The following GAS7 variants were observed in gnomAD, a reference collection of about 807,000 sequenced individuals.
The protein encoded by GAS7 is growth arrest-specific protein 7.
GAS7 carries 28 observed loss-of-function variants against 71.1 expected under a neutral mutation model. That is an observed-to-expected ratio of 0.39 (90% CI 0.29 to 0.54). The LOEUF is 0.54. Ranked by LOEUF, GAS7 falls within the 20% of genes least tolerant of loss-of-function variation. The probability of loss-of-function intolerance (pLI) is 0.62; values close to 1 mark genes in which losing one functional copy is unlikely to be tolerated. For missense variants in GAS7, 436 were observed against 627.8 expected (o/e 0.69, Z 3.27); for synonymous variants, 258 against 245.8 (o/e 1.05, Z -0.46).
At chr17:10,022,099 T>C (rs2072293019) in intron 1 of GAS7, among the ~76,000 whole-genome samples, 2 of 151,968 alleles carry the variant, frequency 1.3e-5, no homozygotes, top group Non-Finnish European at 2.9e-5. Flanking sequence ...CTGCAAATAA[T>C]TTTTAAAATT....
At chr17:10,110,953 AC>A (rs1490074370) in intron 1 of GAS7, among the ~76,000 whole-genome samples, 1 of 152,242 alleles carries the variant, frequency 6.6e-6, no homozygotes, top group Non-Finnish European at 1.5e-5. Context: ...TATACATGCA[AC>A]CAAATATCAC....
At chr17:10,070,336 CTCT>C (rs1174674868) in intron 1 of GAS7, among the ~76,000 whole-genome samples, 2 of 140,178 alleles carry the variant, frequency 1.4e-5, no homozygotes, top group Non-Finnish European at 3.1e-5. Context: ...TTCGTTCTCT[CTCT>C]TCTTTTTTTT....
chr17:10,177,894 GC>G (rs541533351), intron 1 of GAS7, among the ~76,000 whole-genome samples: 175 of 152,040 alleles, frequency 1.2e-3, no homozygotes, highest in African/African-American at 4.0e-3. Context: ...GAGTAACAAA[GC>G]CCCCCAACTA....
intron 1 of GAS7, among the ~76,000 whole-genome samples, chr17:10,166,629 G>A (rs1024099400): frequency 7.9e-5 from 12 of 152,194 alleles, no homozygotes; most frequent in Admixed American, 6.5e-4. Context: ...ACATTTTGTC[G>A]TTGTTGGTTT....
intron 1 of GAS7, among the ~76,000 whole-genome samples, chr17:10,107,987 C>T (rs2073775840): frequency 6.6e-6 from 1 of 151,494 alleles, no homozygotes; most frequent in Non-Finnish European, 1.5e-5. Flanking sequence ...ACACACAGTC[C>T]CAGTGGGGGA....
intron 1 of GAS7, among the ~76,000 whole-genome samples, chr17:10,071,441 T>A (rs1323949968): frequency 6.6e-6 from 1 of 152,108 alleles, no homozygotes; most frequent in Non-Finnish European, 1.5e-5. Context: ...GTCACCCCCA[T>A]GTCACAGAGA....
intron 1 of GAS7, among the ~76,000 whole-genome samples, chr17:10,088,684 C>T (rs1159229561): frequency 6.6e-6 from 1 of 152,126 alleles, no homozygotes. Context: ...AGCTGCCATG[C>T]TGTCTCTATT....
At chr17:10,019,291 C>G (rs1264680647) in intron 2 of GAS7, among the ~76,000 whole-genome samples, 4 of 152,112 alleles carry the variant, frequency 2.6e-5, no homozygotes, top group Non-Finnish European at 1.5e-5. Flanking sequence ...CAGTGAGATA[C>G]TTAAGGAAAA....
chr17:10,009,656 A>T (rs1484904231), intron 2 of GAS7, among the ~76,000 whole-genome samples: 22 of 146,880 alleles, frequency 1.5e-4, no homozygotes, highest in Non-Finnish European at 3.0e-4. Flanking sequence ...TGGGCAATAT[A>T]GCAAGACCCC....
intron 1 of GAS7, among the ~76,000 whole-genome samples, chr17:10,192,080 A>G (rs141256677): frequency 2.4e-4 from 36 of 152,270 alleles, no homozygotes; most frequent in African/African-American, 7.7e-4. Flanking sequence ...GATCCTCTTA[A>G]GACTCCTCAA....
intron 1 of GAS7, among the ~76,000 whole-genome samples, chr17:10,132,006 T>C (rs147002671): frequency 3.3e-3 from 504 of 152,338 alleles, no homozygotes; most frequent in Non-Finnish European, 4.9e-3. Context: ...AACATGTTAA[T>C]GCATGAAAAC....
chr17:9,970,359 G>A (rs910615776), intron 3 of GAS7, among the ~76,000 whole-genome samples: 2 of 152,214 alleles, frequency 1.3e-5, no homozygotes, highest in East Asian at 1.9e-4. Context: ...GCTTGGAGCT[G>A]GGGCTCATGT....
intron 4 of GAS7, among the ~76,000 whole-genome samples, chr17:9,961,640 T>C (rs1239927846): frequency 6.6e-6 from 1 of 152,216 alleles, no homozygotes; most frequent in East Asian, 1.9e-4. Context: ...AGAGCGACTG[T>C]CTACTGAGTG....
intron 5 of GAS7, among the ~76,000 whole-genome samples, chr17:9,950,729 G>A (rs370020148): frequency 1.3e-5 from 2 of 151,958 alleles, no homozygotes; most frequent in East Asian, 1.9e-4. Flanking sequence ...GGTGGTGGGC[G>A]CCTGTAATCC....
chr17:10,144,583 G>C (rs764789756), intron 1 of GAS7, among the ~76,000 whole-genome samples: 3 of 151,804 alleles, frequency 2.0e-5, no homozygotes, highest in African/African-American at 7.3e-5. Flanking sequence ...ATGCTCTCTC[G>C]TCCAGGCTGG....
chr17:10,098,896 C>A (rs1409332023), intron 1 of GAS7, among the ~76,000 whole-genome samples: 1 of 152,174 alleles, frequency 6.6e-6, no homozygotes, highest in African/African-American at 2.4e-5. Flanking sequence ...GCGGAGCTTG[C>A]AGTGAGCCAA....
rs1245106371 is a variant in GAS7, at chr17:9,915,613, G to A, written c.*1615C>T. 18 of 227,640 alleles carry A rather than the reference G, an allele frequency of 7.9e-5. No homozygotes were observed. The highest frequency in any genetic ancestry group is 8.7e-6 in the Non-Finnish European group (1 of 114,558). 14.1% of individuals were successfully genotyped at this position (227,640 alleles called of 1,614,324 possible). ...TATACGAAAGCAATTCTCATTCAAT[G>A]AAAGAGGCGCCAAAAAATTAGAGAT... is the stretch of plus-strand genomic sequence containing the variant. On this transcript the variant is annotated 3_prime_UTR_variant, in exon 14 of 14. Transcript: ENST00000432992.
At chr17:10,037,389 T>C (rs1041185181) in intron 1 of GAS7, among the ~76,000 whole-genome samples, 14 of 152,182 alleles carry the variant, frequency 9.2e-5, no homozygotes, top group African/African-American at 2.2e-4. Flanking sequence ...ATGCCGCATA[T>C]TTCTGTGTTT....
chr17:9,959,540 G>T lies in GAS7; in HGVS notation c.472-285C>A. 9.1e-7 allele frequency: 1 copy of T among 1,104,192 alleles called. No homozygotes were observed. Among genetic ancestry groups the T allele is most frequent in the Non-Finnish European group, 1.2e-6 (1 of 833,670 alleles). 68.4% of individuals were successfully genotyped at this position (1,104,192 alleles called of 1,614,324 possible). Reference sequence around the variant, plus strand: ...CTCCTCTTCTCTCAGTCTGTGATTTGGGGAGTTAACCCCTCCGCTGCCCTC... The same window carrying T: ...CTCCTCTTCTCTCAGTCTGTGATTTTGGGAGTTAACCCCTCCGCTGCCCTC... On this transcript the variant is annotated intron_variant, in intron 4 of 13. Coordinates refer to ENST00000432992, the MANE Select transcript of GAS7 (RefSeq NM_201433.2). The surrounding 1 kb of genome is among the most constrained non-coding windows in gnomAD (Gnocchi z 5.0).
Sources: allele counts gnomAD v4.1 joint callset (sites outside exome capture counted in the v4.1 genomes callset), GRCh38; gene constraint gnomAD v4.1.1; non-coding constraint Gnocchi (gnomAD v3.1); transcripts MANE v1.5; gene names NCBI Gene and HGNC (gene_info 2026-07-23, HGNC 2026-07-21).